The following LARP4 variants were observed in gnomAD, a reference collection of about 807,000 sequenced individuals.
LARP4 encodes the protein la-related protein 4.
In LARP4, 29 loss-of-function variants were observed where a neutral mutation model predicts 92.9. The observed-to-expected ratio is 0.31, with a 90% CI of 0.23 to 0.43. The LOEUF (loss-of-function observed/expected upper bound fraction) is 0.43. LARP4 is among the 20% of genes least tolerant of loss of function. The pLI, the probability that LARP4 is intolerant of heterozygous loss-of-function variation, is 1.00. For missense variants in LARP4, 732 were observed against 860.0 expected, an observed-to-expected ratio of 0.85 and a Z score of 1.86; for synonymous variants, 279 against 284.1, an observed-to-expected ratio of 0.98 and a Z score of 0.18.
At chr12:50,426,099 G>A (rs565731243) in intron 1 of LARP4, among the ~76,000 whole-genome samples, 2 of 152,146 alleles carry the variant, frequency 1.3e-5, no homozygotes, top group Non-Finnish European at 2.9e-5. Context: ...AGGACAGGAA[G>A]TGTTGAATGT....
chr12:50,443,755 G>A (rs1380599759), intron 8 of LARP4, among the ~76,000 whole-genome samples: 1 of 152,118 alleles, frequency 6.6e-6, no homozygotes, highest in Non-Finnish European at 1.5e-5. Context: ...GGGGTTACAG[G>A]TGCCTAACAA....
chr12:50,455,427 G>C (rs775469457), intron 10 of LARP4, among the ~76,000 whole-genome samples: 3 of 152,124 alleles, frequency 2.0e-5, no homozygotes, highest in Non-Finnish European at 4.4e-5. Context: ...TTATTTAATA[G>C]TTTCACATTT....
At chr12:50,426,953 G>A (rs1008539784) in intron 1 of LARP4, among the ~76,000 whole-genome samples, 3 of 151,856 alleles carry the variant, frequency 2.0e-5, no homozygotes, top group African/African-American at 7.3e-5. Context: ...GCCCAGGCTG[G>A]TCTCGAACTC....
At chr12:50,425,007 C>T (rs750393672) in intron 1 of LARP4, among the ~76,000 whole-genome samples, 2 of 152,002 alleles carry the variant, frequency 1.3e-5, no homozygotes, top group Non-Finnish European at 2.9e-5. Context: ...ATTTGCCCAA[C>T]GTGGTGCCGG....
rs992024861 is a variant in LARP4, at chr12:50,421,197, C to T, written c.19-6565C>T. 3 of 655,524 alleles carry T rather than the reference C, an allele frequency of 4.6e-6. No individual in the cohort carries two copies. In the African/African-American group the frequency reaches 5.9e-5, roughly 13 times the overall value. The allele number at this position is 655,524 out of a possible 1,614,324, so 40.6% of individuals were successfully genotyped here. A position where few individuals can be genotyped will look rare whatever the true frequency, so the allele number is the denominator to read the frequency against. ...AACTCCTGACCTCATGATCTGCCCGCCTTGGCCTCTCAAAGTGCTTTGATT... is the reference window on the plus strand; with the variant it reads ...AACTCCTGACCTCATGATCTGCCCGTCTTGGCCTCTCAAAGTGCTTTGATT... On this transcript the variant is annotated intron_variant, in intron 1 of 15. Transcript: ENST00000398473.
chr12:50,435,134 C>A (rs973063160), intron 4 of LARP4, among the ~76,000 whole-genome samples: 11 of 152,182 alleles, frequency 7.2e-5, no homozygotes, highest in Non-Finnish European at 2.9e-5. Context: ...TCTAATATCA[C>A]TGATGAAGTA....
At chr12:50,411,764 T>A (rs1186740528) in intron 1 of LARP4, among the ~76,000 whole-genome samples, 1 of 152,176 alleles carries the variant, frequency 6.6e-6, no homozygotes, top group Non-Finnish European at 1.5e-5. Context: ...CACTGTAGCC[T>A]CTGCCCCCCG....
intron 1 of LARP4, 28 bp from the exon 2 acceptor site, chr12:50,427,734 T>C (rs746001713): frequency 7.0e-7 from 1 of 1,420,772 alleles, no homozygotes; most frequent in South Asian, 1.8e-5. Context: ...ATTTTAAAAA[T>C]TTACAAATAG....
Position 50,478,288 on chromosome 12 carries a change from C to T in LARP4, c.*2424C>T, listed in dbSNP as rs1364820079. 1.3e-5 allele frequency: 2 copies of T among 151,708 alleles called. No homozygotes were observed. Among genetic ancestry groups the T allele is most frequent in the African/African-American group, 4.8e-5 (2 of 41,338 alleles). 9.4% of individuals were successfully genotyped at this position (151,708 alleles called of 1,614,324 possible). ...TTGCCTCATTACATCTAATAGTTCC[C>T]ATTTGATGGCATGTATAGGGAAGAG... On this transcript the variant is annotated 3_prime_UTR_variant, in exon 16 of 16. Transcript: ENST00000398473.
chr12:50,453,580 C>T lies in LARP4; in HGVS notation c.925C>T (p.Pro309Ser). Residue 309 changes from proline (P) to serine (S), a missense_variant, in exon 9 of 16, where the codon CCT becomes TCT. Physicochemically the swap from Pro to Ser is moderately conservative, Grantham distance 74. Transcript: ENST00000398473. Reference sequence around the variant, plus strand: ...GTATGCCTCCCCAGTCTTTATGCAGCCTGTATATAATCCTCACCAACAGTA... The same window carrying T: ...GTATGCCTCCCCAGTCTTTATGCAGTCTGTATATAATCCTCACCAACAGTA... ...AQYASPVFMQ[P>S]VYNPHQQYSV... The T allele has an allele frequency of 6.2e-7, 1 of 1,613,158 alleles. No individual in the cohort carries two copies. Among genetic ancestry groups the T allele is most frequent in the Non-Finnish European group, 8.5e-7 (1 of 1,179,194 alleles).
At chr12:50,473,600 T>C in intron 14 of LARP4, 64 bp downstream of exon 14, 3 of 1,544,858 alleles carry the variant, frequency 1.9e-6, no homozygotes, top group Non-Finnish European at 2.6e-6. Context: ...GTGTGGTGGC[T>C]CTCACCTGTA....
chr12:50,457,935 CTT>C (rs58926495), intron 10 of LARP4, among the ~76,000 whole-genome samples: 301 of 140,060 alleles, frequency 2.1e-3, no homozygotes, highest in African/African-American at 6.5e-3. Context: ...CTCAACCCAA[CTT>C]TTTTTTTTTT....
At chr12:50,460,137 C>CA (rs201843418) in intron 10 of LARP4, among the ~76,000 whole-genome samples, 1,537 of 117,514 alleles carry the variant, frequency 0.013, 9 homozygotes, top group Non-Finnish European at 0.017. Flanking sequence ...TCCATCTCAC[C>CA]AAAAAAAAAA....
intron 1 of LARP4, among the ~76,000 whole-genome samples, chr12:50,425,663 C>T (rs1036984049): frequency 1.3e-5 from 2 of 152,142 alleles, no homozygotes; most frequent in African/African-American, 2.4e-5. Flanking sequence ...TGCCAAAGCT[C>T]TCTAGGAGCC....
chr12:50,426,684 G>GGTGTGTGTGT (rs762987529), intron 1 of LARP4, among the ~76,000 whole-genome samples: 958 of 86,132 alleles, frequency 0.011, 21 homozygotes, highest in South Asian at 0.015. Context: ...TTATGTTTGG[G>GGTGTGTGTGT]GTGTGTGTGT....
intron 1 of LARP4, among the ~76,000 whole-genome samples, chr12:50,411,081 C>T (rs1359158419): frequency 6.6e-6 from 1 of 152,098 alleles, no homozygotes; most frequent in Non-Finnish European, 1.5e-5. Flanking sequence ...AAAGTGTTAT[C>T]CGTAGATAGT....
intron 1 of LARP4, among the ~76,000 whole-genome samples, chr12:50,406,221 A>G (rs956745717): frequency 4.6e-5 from 7 of 152,154 alleles, no homozygotes; most frequent in Admixed American, 1.3e-4. Flanking sequence ...TGTAATCTCA[A>G]CACTTTGGGA....
intron 13 of LARP4, among the ~76,000 whole-genome samples, chr12:50,467,473 A>AT (rs960551012): frequency 8.0e-5 from 12 of 149,826 alleles, no homozygotes; most frequent in African/African-American, 1.5e-4. Flanking sequence ...GTATTTTTGT[A>AT]TTTTTTTTTA....
At chr12:50,425,528 A>G (rs1002151216) in intron 1 of LARP4, among the ~76,000 whole-genome samples, 11 of 152,210 alleles carry the variant, frequency 7.2e-5, no homozygotes, top group Middle Eastern at 3.2e-3. Flanking sequence ...GGCTATCACA[A>G]GCTACTCAGA....
Sources: gnomAD v4.1 joint callset for allele counts (sites outside exome capture counted in the v4.1 genomes callset) on GRCh38, gnomAD v4.1.1 for gene constraint, MANE v1.5 for transcripts, NCBI Gene and HGNC (gene_info 2026-07-23, HGNC 2026-07-21) for gene names.